EXOC5: variants seen among roughly 807,000 people sequenced by gnomAD.
EXOC5 encodes the protein SEC10-like 1.
Under a neutral mutation model 90.8 loss-of-function variants are expected in EXOC5, and 17 were observed. The ratio of observed to expected loss-of-function variants is 0.19; its 90% CI spans 0.13 to 0.28. The LOEUF is 0.28. Among genes scored for constraint, EXOC5 ranks in the 10% least tolerant of loss-of-function variants. The probability of loss-of-function intolerance (pLI) is 1.00; values close to 1 mark genes in which losing one functional copy is unlikely to be tolerated. For missense variants in EXOC5, 569 were observed against 830.6 expected, an observed-to-expected ratio of 0.69 and a Z score of 3.87; for synonymous variants, 260 against 270.0, an observed-to-expected ratio of 0.96 and a Z score of 0.36.
At chr14:57,231,049 C>T (rs1883470264) in intron 11 of EXOC5, among the ~76,000 whole-genome samples, 1 of 149,838 alleles carries the variant, frequency 6.7e-6, no homozygotes, top group South Asian at 2.1e-4. Flanking sequence ...TGCTGTGTCG[C>T]CCAGGCTGGA....
Position 57,224,304 on chromosome 14 carries a change from G to T in EXOC5, c.1297-1888C>A, listed in dbSNP as rs556588465. ...AAACCAAAAGCTGGTTCTTCGGGGG[G>T]AAATAAATCAGTAAAATGAATAAAT... On this transcript the variant is annotated intron_variant, in intron 12 of 17. Transcript: ENST00000621441. Among the ~76,000 whole-genome samples the T allele has an allele frequency of 9.9e-5, 15 of 151,748 alleles. No homozygotes were observed. In the East Asian group the frequency reaches 2.7e-3, roughly 27 times the overall value.
Position 57,234,530 on chromosome 14 carries a change from T to C in EXOC5, c.670-498A>G, listed in dbSNP as rs1338528118. Among the ~76,000 whole-genome samples, 4 of 148,166 alleles carry C rather than the reference T, an allele frequency of 2.7e-5. No individual in the cohort carries two copies. The Admixed American group carries it at 2.7e-4, about 10-fold the overall frequency. ...ATATACGTGTGTGTGTGTGTGTGTG[T>C]GTGTGTGTATATATATATATATGTG... On this transcript the variant is annotated intron_variant, in intron 7 of 17. Transcript: ENST00000621441.
At chr14:57,224,604 T>C (rs1206583034) in intron 12 of EXOC5, among the ~76,000 whole-genome samples, 1 of 152,006 alleles carries the variant, frequency 6.6e-6, no homozygotes, top group Non-Finnish European at 1.5e-5. Context: ...CACAAAAAAA[T>C]TCAGGCCCAA....
At chr14:57,222,872 G>C (rs1166590663) in intron 12 of EXOC5, among the ~76,000 whole-genome samples, 1 of 151,862 alleles carries the variant, frequency 6.6e-6, no homozygotes. Flanking sequence ...AGAGGTTTGA[G>C]AGCCACTGAC....
chr14:57,204,130 C>A lies in EXOC5; in HGVS notation c.*4479G>T, dbSNP rs955330121. ...ATTACTCATCTTTCCCCCCAAAAGT[C>A]GATAATCACAAAACAAAGGTTAATG... On this transcript the variant is annotated 3_prime_UTR_variant, in exon 18 of 18. Coordinates refer to ENST00000621441, the MANE Select transcript of EXOC5 (RefSeq NM_006544.4). The A allele has an allele frequency of 6.6e-6, 1 of 152,046 alleles. No individual in the cohort carries two copies. The highest frequency in any genetic ancestry group is 1.5e-5 in the Non-Finnish European group (1 of 67,968). The allele number at this position is 152,046 out of a possible 1,614,324, so 9.4% of individuals were successfully genotyped here. A position where few individuals can be genotyped will look rare whatever the true frequency, so the allele number is the denominator to read the frequency against.
chr14:57,261,175 G>C (rs940814166), intron 1 of EXOC5, among the ~76,000 whole-genome samples: 1 of 152,018 alleles, frequency 6.6e-6, no homozygotes, highest in Non-Finnish European at 1.5e-5. Flanking sequence ...TAGAACTTTC[G>C]TTTAATTTGT....
chr14:57,212,672 T>G (rs916348517), intron 15 of EXOC5, among the ~76,000 whole-genome samples: 1 of 152,218 alleles, frequency 6.6e-6, no homozygotes, highest in African/African-American at 2.4e-5. Flanking sequence ...GGCAAACTCA[T>G]TAAGGAATTT....
chr14:57,222,095 T>A (rs1362655424), intron 13 of EXOC5, among the ~76,000 whole-genome samples: 2 of 152,138 alleles, frequency 1.3e-5, no homozygotes, highest in Non-Finnish European at 2.9e-5. Flanking sequence ...AAGTAGCTTA[T>A]TATTCTATTA....
At position 57,201,459 on chromosome 14, in the gene EXOC5, C is replaced by G. The variant is rs574007146; in HGVS notation, c.*7150G>C. ...ACACACACGTGTGTATATATACACA[C>G]GCGTGTATATGTACACACACGTGTA... is the stretch of plus-strand genomic sequence containing the variant. On this transcript the variant is annotated 3_prime_UTR_variant, in exon 18 of 18. Coordinates refer to ENST00000621441, the MANE Select transcript of EXOC5 (RefSeq NM_006544.4). 2.1e-5 allele frequency: 3 copies of G among 144,742 alleles called. No individual in the cohort carries two copies. Among genetic ancestry groups the G allele is most frequent in the South Asian group, 4.2e-4 (2 of 4,742 alleles). 9.0% of individuals were successfully genotyped at this position (144,742 alleles called of 1,614,324 possible). A position where few individuals can be genotyped will look rare whatever the true frequency, so the allele number is the denominator to read the frequency against.
intron 15 of EXOC5, among the ~76,000 whole-genome samples, chr14:57,213,417 A>T (rs1407697582): frequency 6.6e-6 from 1 of 151,258 alleles, no homozygotes; most frequent in Non-Finnish European, 1.5e-5. Context: ...ATATTTATTT[A>T]TTTTTTTGAG....
rs1468319757 is a variant in EXOC5, at chr14:57,209,738, C to A, written c.1767G>T (p.Lys589Asn). The change falls in exon 17 of 18, where the codon AAG becomes AAT. Residue 589 changes from lysine (K) to asparagine (N), a missense_variant. Transcript: ENST00000621441. ...TCTTCCCATCCATGGAATTTTTAAT[C>A]TTCTCCACTTGTTTTCTTACGTAAG... ...VCAYVRKQVE[K>N]IKNSMDGKNV... is the part of the protein sequence containing the mutation. 1 of 1,612,508 alleles carries A rather than the reference C, an allele frequency of 6.2e-7. No homozygotes were observed. The highest frequency in any genetic ancestry group is 1.7e-5 in the Admixed American group (1 of 59,782).
At chr14:57,255,650 C>T (rs1461618377) in intron 1 of EXOC5, among the ~76,000 whole-genome samples, 1 of 151,998 alleles carries the variant, frequency 6.6e-6, no homozygotes, top group Non-Finnish European at 1.5e-5. Flanking sequence ...CTGGGCAATA[C>T]AGTGAAACCC....
rs138278827 is a variant in EXOC5 at position 57,211,892 on chromosome 14, C to T, written c.1614-1831G>A. The stretch of plus-strand genomic sequence containing the variant: ...AAAAAAAAGTGTTCTGAGACAGGGT[C>T]TCACTCCATCACCAGGCTGGAATGC... On this transcript the variant is annotated intron_variant, in intron 15 of 17. Transcript: ENST00000621441. 2.9e-3 allele frequency among the ~76,000 whole-genome samples: 447 copies of T among 152,288 alleles called. 2 individuals are homozygous for T. Among genetic ancestry groups the T allele is most frequent in the Middle Eastern group, 0.017 (5 of 294 alleles).
intron 1 of EXOC5, among the ~76,000 whole-genome samples, chr14:57,250,461 C>A (rs926986824): frequency 2.6e-5 from 4 of 152,206 alleles, no homozygotes; most frequent in African/African-American, 9.7e-5. Flanking sequence ...GGAGCTACCA[C>A]CATTTACTTT....
At chr14:57,248,190 T>C (rs999557096) in intron 1 of EXOC5, among the ~76,000 whole-genome samples, 2 of 151,850 alleles carry the variant, frequency 1.3e-5, no homozygotes, top group African/African-American at 4.8e-5. Flanking sequence ...GTACAATCTT[T>C]TTGGAGGCCA....
chr14:57,223,231 AATT>A (rs1883207612), intron 12 of EXOC5, among the ~76,000 whole-genome samples: 1 of 152,084 alleles, frequency 6.6e-6, no homozygotes, highest in African/African-American at 2.4e-5. Context: ...TATTTAGTAA[AATT>A]ATTAGTTATG....
chr14:57,268,469 C>G (rs1033696531), intron 1 of EXOC5, 153 bp downstream of exon 1: 6 of 1,499,450 alleles, frequency 4.0e-6, no homozygotes, highest in Admixed American at 4.2e-5. Context: ...TCCGCCCGCG[C>G]TGACACGGAG....
chr14:57,214,082 G>C lies in EXOC5; in HGVS notation c.1613+3900C>G, dbSNP rs772740950. Among the ~76,000 whole-genome samples the C allele has an allele frequency of 1.1e-4, 17 of 152,162 alleles. 1 individual carries two copies. Among genetic ancestry groups the C allele is most frequent in the Middle Eastern group, 3.4e-3 (1 of 294 alleles). On this transcript the variant is annotated intron_variant, in intron 15 of 17. Coordinates refer to ENST00000621441, the MANE Select transcript of EXOC5 (RefSeq NM_006544.4). ...GATTCCACAACATCTTTATACCACA[G>C]AGCACAGAATAAGGAGAAAAAAAAG...
intron 5 of EXOC5, among the ~76,000 whole-genome samples, chr14:57,238,373 T>TACACACACAC (rs1353864854): frequency 5.3e-4 from 42 of 79,936 alleles, no homozygotes; most frequent in East Asian, 9.9e-4. Context: ...TATATATATA[T>TACACACACAC]ATACACACAC....
Sources: gnomAD v4.1 joint callset for allele counts (sites outside exome capture counted in the v4.1 genomes callset) on GRCh38, gnomAD v4.1.1 for gene constraint, MANE v1.5 for transcripts, NCBI Gene and HGNC (gene_info 2026-07-23, HGNC 2026-07-21) for gene names.